Variants in LCMT1 observed in about 807,000 individuals in gnomAD.
The protein encoded by LCMT1 is [Phosphatase 2A protein]-leucine-carboxy methyltransferase 1.
In LCMT1, 32 loss-of-function variants were observed where a neutral mutation model predicts 47.7. That is an observed-to-expected ratio of 0.67 (90% CI 0.51 to 0.90). The LOEUF (loss-of-function observed/expected upper bound fraction) is 0.90, where lower values mean the gene tolerates loss of function less well. Ranked by LOEUF, LCMT1 falls within the 40% of genes least tolerant of loss-of-function variation. The probability of loss-of-function intolerance (pLI) is 0.00; values close to 1 mark genes in which losing one functional copy is unlikely to be tolerated. For synonymous variants in LCMT1, 152 were observed against 149.7 expected, an observed-to-expected ratio of 1.02 and a Z score of -0.11; for missense variants, 375 against 415.2, an observed-to-expected ratio of 0.90 and a Z score of 0.84.
chr16:25,129,241 T>C (rs1356798445), intron 2 of LCMT1, among the ~76,000 whole-genome samples: 1 of 151,758 alleles, frequency 6.6e-6, no homozygotes, highest in African/African-American at 2.4e-5. Flanking sequence ...ATGGCATATA[T>C]ATACCTATGT....
intron 9 of LCMT1, among the ~76,000 whole-genome samples, chr16:25,173,873 C>T (rs939144848): frequency 1.3e-5 from 2 of 151,814 alleles, no homozygotes; most frequent in Admixed American, 6.6e-5. Context: ...ACGCTATTTC[C>T]ATATGTTTGT....
chr16:25,175,444 T>G (rs2141721651), intron 10 of LCMT1, among the ~76,000 whole-genome samples: 1 of 146,836 alleles, frequency 6.8e-6, no homozygotes, highest in East Asian at 2.0e-4. Context: ...GCCAACATGA[T>G]GAAACCCCGT....
chr16:25,112,567 G>A (rs1457426280), intron 1 of LCMT1, among the ~76,000 whole-genome samples: 3 of 152,180 alleles, frequency 2.0e-5, no homozygotes, highest in Non-Finnish European at 4.4e-5. Context: ...GAAAGCTTGA[G>A]GCTTGAATGT....
At chr16:25,146,825 T>C (rs1597584889) in intron 4 of LCMT1, 1 of 152,298 alleles carries the variant, frequency 6.6e-6, no homozygotes. Flanking sequence ...GGGATCTCCT[T>C]CTTTCTCTGG....
At chr16:25,168,572 A>G (rs1232067006) in intron 7 of LCMT1, among the ~76,000 whole-genome samples, 1 of 152,170 alleles carries the variant, frequency 6.6e-6, no homozygotes, top group Non-Finnish European at 1.5e-5. Flanking sequence ...CTGGGAAGCA[A>G]GGCTGCCACA....
At chr16:25,153,885 G>A (rs920931957) in intron 5 of LCMT1, among the ~76,000 whole-genome samples, 23 of 152,070 alleles carry the variant, frequency 1.5e-4, no homozygotes, top group Admixed American at 5.2e-4. Flanking sequence ...CCTGGGAGGC[G>A]GAGGTTGCAG....
intron 4 of LCMT1, chr16:25,146,821 T>G (rs1960872351): frequency 6.6e-6 from 1 of 152,252 alleles, no homozygotes; most frequent in African/African-American, 2.4e-5. Context: ...TACTGGGATC[T>G]CCTTCTTTCT....
chr16:25,154,804 A>G (rs184142311), intron 5 of LCMT1, among the ~76,000 whole-genome samples: 16 of 152,044 alleles, frequency 1.1e-4, no homozygotes, highest in African/African-American at 3.6e-4. Context: ...TTCTTTGATA[A>G]AGGTCTGTTG....
chr16:25,169,393 C>G (rs528003308), intron 8 of LCMT1, 180 bp downstream of exon 8: 132 of 542,946 alleles, frequency 2.4e-4, no homozygotes, highest in African/African-American at 2.3e-3. Context: ...TCCTGCTTCA[C>G]CATCACATTT....
intron 5 of LCMT1, among the ~76,000 whole-genome samples, chr16:25,155,272 G>T (rs1961218027): frequency 6.6e-6 from 1 of 152,046 alleles, no homozygotes; most frequent in South Asian, 2.1e-4. Flanking sequence ...AAGTCAGAAG[G>T]TGTTTTTAAA....
intron 4 of LCMT1, chr16:25,143,189 A>G (rs1960747465): frequency 6.6e-6 from 1 of 152,176 alleles, no homozygotes; most frequent in Admixed American, 6.5e-5. Flanking sequence ...TTCACCTAAC[A>G]GGAGGTCAGT....
chr16:25,167,660 A>C (rs1046757300), intron 7 of LCMT1, among the ~76,000 whole-genome samples: 5 of 152,196 alleles, frequency 3.3e-5, no homozygotes, highest in African/African-American at 1.2e-4. Context: ...GGATGATAAT[A>C]ATTTCAATAA....
intron 9 of LCMT1, among the ~76,000 whole-genome samples, chr16:25,171,031 T>G (rs544147634): frequency 8.4e-4 from 127 of 151,514 alleles, no homozygotes; most frequent in African/African-American, 2.7e-3. Flanking sequence ...AGGTCAGGAG[T>G]TCGAGACCGG....
chr16:25,154,240 C>A (rs1220156589), intron 5 of LCMT1, among the ~76,000 whole-genome samples: 1 of 151,684 alleles, frequency 6.6e-6, no homozygotes, highest in Non-Finnish European at 1.5e-5. Context: ...TCTCGAACTG[C>A]TAACCTCGTG....
intron 2 of LCMT1, among the ~76,000 whole-genome samples, chr16:25,131,295 A>G (rs1960342953): frequency 6.6e-6 from 1 of 152,262 alleles, no homozygotes. Context: ...AATGCTGCAC[A>G]GGCAAAGACC....
intron 6 of LCMT1, among the ~76,000 whole-genome samples, chr16:25,161,851 A>G (rs1257653797): frequency 2.0e-5 from 3 of 152,146 alleles, no homozygotes. Flanking sequence ...TGGGCAAAAT[A>G]TAGATTACCA....
intron 3 of LCMT1, among the ~76,000 whole-genome samples, chr16:25,135,289 A>G (rs895900668): frequency 8.0e-6 from 1 of 124,622 alleles, no homozygotes; most frequent in Non-Finnish European, 1.8e-5. Context: ...TTTAAAATAT[A>G]TATCTATATA....
chr16:25,164,496 C>G, intron 6 of LCMT1, 102 bp from the exon 7 acceptor site: 2 of 1,429,480 alleles, frequency 1.4e-6, no homozygotes, highest in South Asian at 1.2e-5. Context: ...TCTGAGTTCC[C>G]TGGGGCATGG....
chr16:25,174,842 C>A, intron 9 of LCMT1, 95 bp from the exon 10 acceptor site: 1 of 504,820 alleles, frequency 2.0e-6, no homozygotes. Flanking sequence ...TCCACTTAAT[C>A]TATCATAAAC....
Sources: allele counts gnomAD v4.1 joint callset (sites outside exome capture counted in the v4.1 genomes callset), GRCh38; gene constraint gnomAD v4.1.1; transcripts MANE v1.5; gene names NCBI Gene and HGNC (gene_info 2026-07-23, HGNC 2026-07-21).